The following DOC2B variants were observed in gnomAD, a reference collection of about 807,000 sequenced individuals.
The protein encoded by DOC2B is double C2 domain beta.
DOC2B carries 21 observed loss-of-function variants against 28.9 expected under a neutral mutation model. That is an observed-to-expected ratio of 0.73 (90% CI 0.52 to 1.05). The LOEUF (loss-of-function observed/expected upper bound fraction) is 1.05, where lower values mean the gene tolerates loss of function less well. Among genes scored for constraint, DOC2B ranks in the 50% least tolerant of loss-of-function variants. The probability of loss-of-function intolerance (pLI) is 0.00; values close to 1 mark genes in which losing one functional copy is unlikely to be tolerated. For missense variants in DOC2B, 384 were observed against 421.1 expected (o/e 0.91, Z 0.77); for synonymous variants, 194 against 178.1 (o/e 1.09, Z -0.71).
intron 8 of DOC2B, 55 bp downstream of exon 8, chr17:148,117 TG>T (rs1304916837): frequency 2.5e-6 from 1 of 398,380 alleles, no homozygotes; most frequent in African/African-American, 2.1e-5. Flanking sequence ...AGAGGGGCTG[TG>T]GCCTGATCCA....
At position 181,467 on chromosome 17, in the gene DOC2B, GC is replaced by G; in HGVS notation, c.12del (p.Arg5GlyfsTer149). On this transcript the variant is annotated frameshift_variant, in exon 1 of 9. Coordinates refer to ENST00000613549, the MANE Select transcript of DOC2B (RefSeq NM_003585.5). LOFTEE classifies it high-confidence loss of function. This position sits in a 1 kb window ranked among gnomAD's most constrained non-coding sequence, Gnocchi z 7.0. Reference sequence around the variant, plus strand: ...CTGATGGTCGCCTTCTCCCCGCGCCGCCGGAGGGTCATGCAGGCAGCGCCGC... The same window carrying G: ...CTGATGGTCGCCTTCTCCCCGCGCCGCGGAGGGTCATGCAGGCAGCGCCGC... MTL[R>X]RRGEKATISI... 1 of 1,114,426 alleles carries G rather than the reference GC, an allele frequency of 9.0e-7. No homozygotes were observed. Among genetic ancestry groups the G allele is most frequent in the South Asian group, 2.5e-5 (1 of 39,268 alleles). 69.0% of individuals were successfully genotyped at this position (1,114,426 alleles called of 1,614,324 possible). A position where few individuals can be genotyped will look rare whatever the true frequency, so the allele number is the denominator to read the frequency against.
chr17:154,667 T>C (rs1034100565), intron 6 of DOC2B, among the ~76,000 whole-genome samples: 1 of 152,220 alleles, frequency 6.6e-6, no homozygotes, highest in Non-Finnish European at 1.5e-5. Context: ...ATTCTGTGTT[T>C]AACTTTCTGA....
intron 7 of DOC2B, among the ~76,000 whole-genome samples, chr17:148,849 C>A (rs2040043200): frequency 6.6e-6 from 1 of 151,822 alleles, no homozygotes; most frequent in African/African-American, 2.4e-5. Context: ...ATCTTCCTCA[C>A]CCCCTCTTTG....
chr17:162,504 G>A (rs1339941110), intron 3 of DOC2B, among the ~76,000 whole-genome samples: 1 of 152,220 alleles, frequency 6.6e-6, no homozygotes, highest in Non-Finnish European at 1.5e-5. Flanking sequence ...GAAGGTGGAG[G>A]AAGGGGCCAC....
At chr17:157,122 A>G (rs1262253798) in intron 5 of DOC2B, among the ~76,000 whole-genome samples, 1 of 152,216 alleles carries the variant, frequency 6.6e-6, no homozygotes, top group Non-Finnish European at 1.5e-5. Flanking sequence ...ACGGGTCTGC[A>G]GCCCCCGGCC....
At chr17:152,489 T>C (rs998562672) in intron 6 of DOC2B, among the ~76,000 whole-genome samples, 1 of 152,086 alleles carries the variant, frequency 6.6e-6, no homozygotes, top group African/African-American at 2.4e-5. Flanking sequence ...TGGTGCTAGC[T>C]GGGCATGGTG....
intron 6 of DOC2B, among the ~76,000 whole-genome samples, chr17:155,205 A>G (rs775998458): frequency 6.6e-6 from 1 of 151,838 alleles, no homozygotes; most frequent in Non-Finnish European, 1.5e-5. Flanking sequence ...GTTGCCCAGG[A>G]TGGTCTCAAA....
intron 1 of DOC2B, among the ~76,000 whole-genome samples, chr17:175,533 T>G (rs1207144328): frequency 6.6e-6 from 1 of 152,232 alleles, no homozygotes; most frequent in African/African-American, 2.4e-5. Context: ...TACCTGGGGT[T>G]TGTTCCCCCA....
chr17:179,921 TG>T (rs925041149), intron 1 of DOC2B, among the ~76,000 whole-genome samples: 2 of 152,214 alleles, frequency 1.3e-5, no homozygotes, highest in African/African-American at 2.4e-5. Context: ...GGTGGGGCGA[TG>T]GGGGGTCTGT....
intron 5 of DOC2B, 65 bp from the exon 6 acceptor site, chr17:156,442 T>G: frequency 2.0e-6 from 3 of 1,517,664 alleles, no homozygotes; most frequent in Non-Finnish European, 2.7e-6. Flanking sequence ...GTCCTTGGCC[T>G]CCTCTTCCTG....
intron 2 of DOC2B, 70 bp downstream of exon 2, chr17:172,467 G>A: frequency 7.6e-7 from 1 of 1,320,836 alleles, no homozygotes; most frequent in Non-Finnish European, 1.1e-6. Flanking sequence ...GGTGTGGTCT[G>A]GCCTCCCTGA....
intron 1 of DOC2B, among the ~76,000 whole-genome samples, chr17:173,969 G>A (rs935204042): frequency 5.9e-5 from 9 of 152,150 alleles, no homozygotes; most frequent in Non-Finnish European, 1.0e-4. Flanking sequence ...CAGACCCTAC[G>A]GCCTGCACAG....
intron 1 of DOC2B, among the ~76,000 whole-genome samples, chr17:176,366 A>T (rs1036403075): frequency 8.5e-5 from 12 of 140,580 alleles, no homozygotes; most frequent in African/African-American, 2.9e-4. Context: ...AAATATATTT[A>T]CAAAAAAAGA....
chr17:179,459 C>T (rs1339376806), intron 1 of DOC2B, among the ~76,000 whole-genome samples: 2 of 152,108 alleles, frequency 1.3e-5, no homozygotes, highest in Admixed American at 6.5e-5. Flanking sequence ...CTCTGTGGCA[C>T]CAGGAGGGTG....
chr17:174,844 G>C (rs2040351467), intron 1 of DOC2B, among the ~76,000 whole-genome samples: 1 of 152,230 alleles, frequency 6.6e-6, no homozygotes, highest in Non-Finnish European at 1.5e-5. Flanking sequence ...TGAGTGGCTG[G>C]TGTGGGGCTC....
At chr17:159,490 G>A (rs555244619) in intron 5 of DOC2B, among the ~76,000 whole-genome samples, 8 of 152,304 alleles carry the variant, frequency 5.3e-5, no homozygotes, top group East Asian at 3.9e-4. Context: ...CAGGCGTGGC[G>A]GCACACGCCT....
At position 144,767 on chromosome 17, in the gene DOC2B, A is replaced by ACTGGGGGGCTGGAGTT. The variant is rs1280307271; in HGVS notation, c.*2658_*2673dup. 2 of 152,150 alleles carry ACTGGGGGGCTGGAGTT rather than the reference A, an allele frequency of 1.3e-5. No homozygotes were observed. Among genetic ancestry groups the ACTGGGGGGCTGGAGTT allele is most frequent in the Non-Finnish European group, 2.9e-5 (2 of 68,052 alleles). 9.4% of individuals were successfully genotyped at this position (152,150 alleles called of 1,614,324 possible). On this transcript the variant is annotated 3_prime_UTR_variant, in exon 9 of 9. Coordinates refer to ENST00000613549, the MANE Select transcript of DOC2B (RefSeq NM_003585.5). The stretch of plus-strand genomic sequence containing the variant: ...CAGCCTGGGCAGTAGAGGGCCCTGG[A>ACTGGGGGGCTGGAGTT]CTGGGGGGCTGGAGTTCTGGGTTCT...
intron 1 of DOC2B, among the ~76,000 whole-genome samples, chr17:172,831 G>C (rs1053696262): frequency 2.6e-5 from 4 of 152,186 alleles, no homozygotes; most frequent in Non-Finnish European, 5.9e-5. Flanking sequence ...TTCCAGAGGA[G>C]GAGCTGAGAC....
At chr17:169,717 G>T (rs941557449) in intron 2 of DOC2B, among the ~76,000 whole-genome samples, 1 of 152,018 alleles carries the variant, frequency 6.6e-6, no homozygotes, top group African/African-American at 2.4e-5. Flanking sequence ...GTGCACCCCA[G>T]GGTGTCCAGC....
Sources: allele counts gnomAD v4.1 joint callset (sites outside exome capture counted in the v4.1 genomes callset), GRCh38; gene constraint gnomAD v4.1.1; non-coding constraint Gnocchi (gnomAD v3.1); transcripts MANE v1.5; gene names NCBI Gene and HGNC (gene_info 2026-07-23, HGNC 2026-07-21).